ITPR2: variants seen among roughly 807,000 people sequenced by gnomAD.
The protein encoded by ITPR2 is inositol 1,4,5-trisphosphate-gated calcium channel ITPR2.
A neutral mutation model predicts 317.1 loss-of-function variants in ITPR2; 207 were observed. The ratio of observed to expected loss-of-function variants is 0.65; its 90% CI spans 0.58 to 0.73. The LOEUF is 0.73. Ranked by LOEUF, ITPR2 falls within the 30% of genes least tolerant of loss-of-function variation. The pLI is 0.00. For missense variants in ITPR2, 2,613 were observed against 3,284.0 expected (o/e 0.80, Z 4.99); for synonymous variants, 1,156 against 1,149.1 (o/e 1.01, Z -0.12).
At chr12:26,516,645 C>T (rs530946433) in intron 37 of ITPR2, among the ~76,000 whole-genome samples, 43 of 152,108 alleles carry the variant, frequency 2.8e-4, no homozygotes, top group South Asian at 1.2e-3. Context: ...CACTTTTTAA[C>T]ATGATGAAAT....
At chr12:26,464,019 T>C (rs1386478737) in intron 45 of ITPR2, among the ~76,000 whole-genome samples, 2 of 152,194 alleles carry the variant, frequency 1.3e-5, no homozygotes, top group African/African-American at 2.4e-5. Context: ...TCATCTAAAA[T>C]GCAAGCCCCA....
At chr12:26,400,030 T>C (rs1261122973) in intron 53 of ITPR2, 98 bp downstream of exon 53, 2 of 1,274,494 alleles carry the variant, frequency 1.6e-6, no homozygotes, top group Admixed American at 2.3e-5. Flanking sequence ...AATGGTACAA[T>C]ATATTTTCCT....
At chr12:26,556,131 C>G in intron 36 of ITPR2, 102 bp downstream of exon 36, 1 of 1,105,164 alleles carries the variant, frequency 9.0e-7, no homozygotes, top group Non-Finnish European at 1.3e-6. Flanking sequence ...CTTTCGCATA[C>G]TTTGCGGACT....
chr12:26,506,947 TAGA>T (rs112843000), intron 37 of ITPR2, among the ~76,000 whole-genome samples: 16,140 of 152,230 alleles, frequency 0.11, 1,141 homozygotes, highest in African/African-American at 0.2. Flanking sequence ...TAATTTATAA[TAGA>T]AGATAAAGAT....
intron 37 of ITPR2, among the ~76,000 whole-genome samples, chr12:26,526,497 T>G (rs1943812246): frequency 6.6e-6 from 1 of 152,078 alleles, no homozygotes; most frequent in South Asian, 2.1e-4. Context: ...ATGGCCCAAG[T>G]TGTGTTGTGC....
chr12:26,723,190 C>T (rs187667387), intron 4 of ITPR2, among the ~76,000 whole-genome samples: 1 of 152,064 alleles, frequency 6.6e-6, no homozygotes, highest in Admixed American at 6.5e-5. Context: ...AACAAAATAA[C>T]CTTTCCATCT....
At chr12:26,716,570 G>A (rs912652115) in intron 5 of ITPR2, among the ~76,000 whole-genome samples, 4 of 152,026 alleles carry the variant, frequency 2.6e-5, no homozygotes, top group African/African-American at 9.7e-5. Context: ...TATGCCATAA[G>A]CACAACAGAA....
intron 26 of ITPR2, among the ~76,000 whole-genome samples, chr12:26,617,273 G>C (rs1484962371): frequency 6.6e-6 from 1 of 152,108 alleles, no homozygotes; most frequent in Non-Finnish European, 1.5e-5. Flanking sequence ...GAATACAGCA[G>C]AAATTTAAAA....
rs1565794859 is a variant in ITPR2 at position 26,831,679 on chromosome 12, AATATATATATATATTCTACATAAAAT to A, written c.92+985_92+1010del. The stretch of plus-strand genomic sequence containing the variant: ...CATTTGGCACACTGTTTTATATATA[AATATATATATATATTCTACATAAAAT>A]ATATAAATATATATTCTACATAAAA... On this transcript the variant is annotated intron_variant, in intron 1 of 56. Coordinates refer to ENST00000381340, the MANE Select transcript of ITPR2 (RefSeq NM_002223.4). The surrounding 1 kb of genome is among the most constrained non-coding windows in gnomAD (Gnocchi z 4.9). Among the ~76,000 whole-genome samples, 5 of 113,498 alleles carry A rather than the reference AATATATATATATATTCTACATAAAAT, an allele frequency of 4.4e-5. No individual in the cohort carries two copies. Among genetic ancestry groups the A allele is most frequent in the African/African-American group, 8.6e-5 (3 of 34,758 alleles). The allele number at this position is 113,498 out of a possible 152,430, so 74.5% of individuals were successfully genotyped here.
At chr12:26,534,979 G>A (rs115098912) in intron 37 of ITPR2, among the ~76,000 whole-genome samples, 5 of 152,166 alleles carry the variant, frequency 3.3e-5, no homozygotes, top group African/African-American at 1.2e-4. Context: ...GCACAGCAAG[G>A]TGACTATGGT....
At chr12:26,487,659 T>C (rs1942703189) in intron 39 of ITPR2, among the ~76,000 whole-genome samples, 1 of 152,300 alleles carries the variant, frequency 6.6e-6, no homozygotes, top group Non-Finnish European at 1.5e-5. Flanking sequence ...AGAACAAAAA[T>C]GGAAACCAAC....
chr12:26,810,531 C>T (rs1950716922), intron 1 of ITPR2, among the ~76,000 whole-genome samples: 1 of 152,210 alleles, frequency 6.6e-6, no homozygotes, highest in Non-Finnish European at 1.5e-5. Flanking sequence ...GACTCGATTC[C>T]AAGAACTTGG....
chr12:26,718,685 C>A (rs1470343492), intron 5 of ITPR2, among the ~76,000 whole-genome samples: 1 of 152,036 alleles, frequency 6.6e-6, no homozygotes, highest in African/African-American at 2.4e-5. Flanking sequence ...TCTCAACTCA[C>A]TGCAACCTCT....
Position 26,608,703 on chromosome 12 carries a change from A to T in ITPR2, c.3463-5997T>A, listed in dbSNP as rs1361127940. ...TGCCCGGCTGCTGTGCAACCCCTCC[A>T]AGTGTGTGAAGTGGCAGCCTTGTGT... On this transcript the variant is annotated intron_variant, in intron 26 of 56. Transcript: ENST00000381340. Among the ~76,000 whole-genome samples the T allele has an allele frequency of 2.0e-5, 3 of 151,910 alleles. No homozygotes were observed. In the East Asian group the frequency reaches 5.8e-4, roughly 29 times the overall value.
At chr12:26,679,198 C>A (rs1019678560) in intron 13 of ITPR2, among the ~76,000 whole-genome samples, 4 of 152,046 alleles carry the variant, frequency 2.6e-5, no homozygotes, top group African/African-American at 7.2e-5. Flanking sequence ...GTTGGAGGTG[C>A]GACTGAATAT....
intron 2 of ITPR2, among the ~76,000 whole-genome samples, chr12:26,778,533 C>G (rs1030659986): frequency 6.6e-6 from 1 of 152,258 alleles, no homozygotes; most frequent in Non-Finnish European, 1.5e-5. Flanking sequence ...TTTCTCCATT[C>G]CTGTCCATAA....
chr12:26,345,219 G>A (rs954966211), intron 55 of ITPR2, among the ~76,000 whole-genome samples: 5 of 150,286 alleles, frequency 3.3e-5, no homozygotes, highest in African/African-American at 7.3e-5. Context: ...TCTCTTTTTT[G>A]AAGAAAGCAG....
intron 37 of ITPR2, among the ~76,000 whole-genome samples, chr12:26,543,925 C>T (rs938358774): frequency 2.6e-5 from 4 of 152,076 alleles, no homozygotes; most frequent in African/African-American, 9.7e-5. Context: ...TATGCCAACC[C>T]CAAAGGAAAA....
chr12:26,660,703 A>G (rs1947476933), intron 15 of ITPR2, among the ~76,000 whole-genome samples: 1 of 152,220 alleles, frequency 6.6e-6, no homozygotes, highest in Non-Finnish European at 1.5e-5. Flanking sequence ...TATCATTTTA[A>G]GGATACATAT....
Sources: allele counts gnomAD v4.1 joint callset (sites outside exome capture counted in the v4.1 genomes callset), GRCh38; gene constraint gnomAD v4.1.1; non-coding constraint Gnocchi (gnomAD v3.1); transcripts MANE v1.5; gene names NCBI Gene and HGNC (gene_info 2026-07-23, HGNC 2026-07-21).